Variants in TRIB3 observed in about 807,000 individuals in gnomAD.
TRIB3 encodes tribbles homolog 3.
Under a neutral mutation model 16.6 loss-of-function variants are expected in TRIB3, and 20 were observed. The ratio of observed to expected loss-of-function variants is 1.20; its 90% confidence interval spans 0.85 to 1.75. The LOEUF is 1.75. Among genes scored for constraint, TRIB3 ranks in the 40% most tolerant of loss-of-function variants. The probability of loss-of-function intolerance (pLI) is 0.00; values close to 1 mark genes in which losing one functional copy is unlikely to be tolerated. For missense variants in TRIB3, 484 were observed against 488.9 expected (o/e 0.99, Z 0.10); for synonymous variants, 208 against 217.0 (o/e 0.96, Z 0.36).
chr20:382,808 A>T (rs774416279), intron 1 of TRIB3, among the ~76,000 whole-genome samples: 1 of 152,200 alleles, frequency 6.6e-6, no homozygotes, highest in Non-Finnish European at 1.5e-5. Context: ...ATATCTGACT[A>T]CAGCCACTCC....
At chr20:384,296 T>C (rs2014737014) in intron 1 of TRIB3, among the ~76,000 whole-genome samples, 1 of 152,206 alleles carries the variant, frequency 6.6e-6, no homozygotes, top group African/African-American at 2.4e-5. Context: ...TGTGTGTTAA[T>C]TAGGATTAGG....
intron 1 of TRIB3, among the ~76,000 whole-genome samples, chr20:387,051 A>C (rs1457600143): frequency 3.3e-5 from 5 of 152,182 alleles, no homozygotes; most frequent in African/African-American, 1.2e-4. Context: ...ACGCCTGGCC[A>C]GGAAATACAT....
At position 391,319 on chromosome 20, in the gene TRIB3, G is replaced by A. The variant is rs2014969619; in HGVS notation, c.324G>A (p.Leu108=). 1.2e-6 allele frequency: 2 copies of A among 1,612,898 alleles called. No homozygotes were observed. The highest frequency in any genetic ancestry group is 1.1e-5 in the South Asian group (1 of 91,072). ...CCGTCCAGGAAGCCCTGGCCGTGCT[G>A]GAGCCCTATGCGCGGCTGCCCCCGC... ...VYPVQEALAV[L]EPYARLPPHK... Residue 108 remains leucine (L), a synonymous_variant, in exon 3 of 4, where the codon CTG becomes CTA. Transcript: ENST00000217233.
chr20:388,207 C>A lies in TRIB3; in HGVS notation c.197C>A (p.Ser66Tyr), dbSNP rs1213576217. 6.2e-7 allele frequency: 1 copy of A among 1,613,974 alleles called. No homozygotes were observed. The highest frequency in any genetic ancestry group is 1.3e-5 in the African/African-American group (1 of 75,068). Residue 66 changes from serine (S) to tyrosine (Y), a missense_variant, in exon 2 of 4, where the codon TCC becomes TAC. Transcript: ENST00000217233. ...CGTGCAACTGCTGTGGCCACTGCCTCCCGTCTTGGGCCCTATGTCCTCCTG... is the reference window on the plus strand; with the variant it reads ...CGTGCAACTGCTGTGGCCACTGCCTACCGTCTTGGGCCCTATGTCCTCCTG... ...PDRATAVATA[S>Y]RLGPYVLLEP...
rs747320204 is a variant in TRIB3 at position 388,072 on chromosome 20, T to C, written c.62T>C (p.Leu21Ser). The C allele has an allele frequency of 8.1e-6, 13 of 1,614,002 alleles. No individual in the cohort carries two copies. The highest frequency in any genetic ancestry group is 1.1e-5 in the Non-Finnish European group (13 of 1,180,036). The change falls in exon 2 of 4, where the codon TTG becomes TCG. Residue 21 changes from leucine (L) to serine (S), a missense_variant. Transcript: ENST00000217233. ...GSLSRKKRLE[L>S]DDNLDTERPV... ...CTGTCCAGGAAGAAGCGGTTGGAGT[T>C]GGATGACAACTTAGATACCGAGCGT...
intron 1 of TRIB3, among the ~76,000 whole-genome samples, chr20:386,503 G>A (rs2014813402): frequency 1.3e-5 from 2 of 152,050 alleles, no homozygotes; most frequent in African/African-American, 4.8e-5. Flanking sequence ...CTGCCTCCTG[G>A]GTTCAAGCGA....
rs560979270 is a variant in TRIB3 at position 380,802 on chromosome 20, C to G, written c.-368C>G. ...CAGCGAGGGCGGGTCCCAGGTGCAG[C>G]GGATGCAGAGGAGAGAGGCCCGGGC... On this transcript the variant is annotated 5_prime_UTR_variant, in exon 1 of 4. Coordinates refer to ENST00000217233, the MANE Select transcript of TRIB3 (RefSeq NM_021158.5). 1 of 151,796 alleles carries G rather than the reference C, an allele frequency of 6.6e-6. No homozygotes were observed. Among genetic ancestry groups the G allele is most frequent in the African/African-American group, 2.4e-5 (1 of 41,222 alleles). 9.4% of individuals were successfully genotyped at this position (151,796 alleles called of 1,614,324 possible). A position where few individuals can be genotyped will look rare whatever the true frequency, so the allele number is the denominator to read the frequency against.
rs545555892 is a variant in TRIB3, at chr20:388,328, C to T, written c.291+27C>T. The T allele has an allele frequency of 6.3e-6, 10 of 1,577,682 alleles. No homozygotes were observed. In the African/African-American group the frequency reaches 1.3e-4, roughly 21 times the overall value. Reference sequence around the variant, plus strand: ...TACGTGCCCATGGGCGGCTGTCCCCCAGCACCACAGGAGGCCTGGGAAGGA... The same window carrying T: ...TACGTGCCCATGGGCGGCTGTCCCCTAGCACCACAGGAGGCCTGGGAAGGA... On this transcript the variant is annotated intron_variant, in intron 2 of 3. Coordinates refer to ENST00000217233, the MANE Select transcript of TRIB3 (RefSeq NM_021158.5).
chr20:384,050 T>C (rs62191441), intron 1 of TRIB3, among the ~76,000 whole-genome samples: 2,067 of 152,150 alleles, frequency 0.014, 13 homozygotes, highest in African/African-American at 0.016. Context: ...ATCCAGTCCA[T>C]CCAGTCTGCC....
intron 3 of TRIB3, 63 bp from the exon 4 acceptor site, chr20:396,135 A>G (rs376033913): frequency 1.3e-6 from 2 of 1,551,322 alleles, no homozygotes. Flanking sequence ...GGGTGATAGC[A>G]TGGGGTGGTG....
rs139892258 is a variant in TRIB3 at position 389,841 on chromosome 20, T to C, written c.292-1446T>C. Among the ~76,000 whole-genome samples, 1,265 of 152,322 alleles carry C rather than the reference T, an allele frequency of 8.3e-3. 12 individuals carry two copies. Among genetic ancestry groups the C allele is most frequent in the Middle Eastern group, 0.02 (6 of 294 alleles). On this transcript the variant is annotated intron_variant, in intron 2 of 3. Transcript: ENST00000217233. ...ATGGTCATTTCCACACTTCCTCAGC[T>C]TTTCTGGTCAGTGTGTAGAAAGATC...
rs2015134395 is a variant in TRIB3 at position 396,530 on chromosome 20, C to T, written c.917C>T (p.Ala306Val). The change falls in exon 4 of 4, where the codon GCC (alanine) becomes GTC (valine). Residue 306 changes from alanine (A) to valine (V), a missense_variant. Coordinates refer to ENST00000217233, the MANE Select transcript of TRIB3 (RefSeq NM_021158.5). ...CGGGAGCCAGCTGAACGGCTCACAG[C>T]CACAGGCATCCTCCTGCACCCCTGG... ...LRREPAERLTATGILLHPWLR... is the reference protein window; with the variant it reads ...LRREPAERLTVTGILLHPWLR... 3.7e-6 allele frequency: 6 copies of T among 1,613,212 alleles called. No individual in the cohort carries two copies. In the African/African-American group the frequency reaches 8.0e-5, roughly 21 times the overall value.
chr20:387,518 A>G (rs968366313), intron 1 of TRIB3, among the ~76,000 whole-genome samples: 2 of 151,544 alleles, frequency 1.3e-5, no homozygotes, highest in East Asian at 3.9e-4. Context: ...ACTTGAGGCC[A>G]CGAGTTTGAG....
In TRIB3 at chr20:397,499, GT is replaced by G. The variant is rs957455199; in HGVS notation, c.*813del. ...CCACAATCCCAGGTCCATACTCTAG[GT>G]TTTGGATACCATGAGTATGTATGTT... On this transcript the variant is annotated 3_prime_UTR_variant, in exon 4 of 4. Transcript: ENST00000217233. The G allele has an allele frequency of 1.4e-4, 21 of 152,130 alleles. No individual in the cohort carries two copies. The highest frequency in any genetic ancestry group is 5.1e-4 in the African/African-American group (21 of 41,432). 9.4% of individuals were successfully genotyped at this position (152,130 alleles called of 1,614,324 possible).
intron 2 of TRIB3, among the ~76,000 whole-genome samples, chr20:389,289 G>A (rs2014907407): frequency 1.3e-5 from 2 of 152,154 alleles, no homozygotes; most frequent in Admixed American, 1.3e-4. Flanking sequence ...CTGGGATTGG[G>A]CCCAGGAGGC....
In TRIB3 at chr20:396,504, T is replaced by C. The variant is rs769466304; in HGVS notation, c.891T>C (p.Arg297=). The C allele has an allele frequency of 6.2e-7, 1 of 1,613,070 alleles. No homozygotes were observed. The highest frequency in any genetic ancestry group is 1.1e-5 in the South Asian group (1 of 91,078). Residue 297 remains arginine, a synonymous_variant, in exon 4 of 4, where the codon CGT becomes CGC. Transcript: ENST00000217233. The part of the protein sequence containing the change: ...PARCLVRCLL[R]REPAERLTAT... ...GCTGTCTGGTTCGCTGCCTCCTTCG[T>C]CGGGAGCCAGCTGAACGGCTCACAG... is the stretch of plus-strand genomic sequence containing the variant.
rs375469008 is a variant in TRIB3, at chr20:396,447, C to T, written c.834C>T (p.Tyr278=). ...TCGGCAAGATCCGCCGCGGGGCCTA[C>T]GCCTTGCCTGCAGGCCTCTCGGCCC... ...LLFGKIRRGA[Y]ALPAGLSAPA... The change falls in exon 4 of 4, where the codon TAC becomes TAT. Residue 278 remains tyrosine (Y), a synonymous_variant. Transcript: ENST00000217233. 1.4e-5 allele frequency: 22 copies of T among 1,612,796 alleles called. No homozygotes were observed. The highest frequency in any genetic ancestry group is 8.0e-5 in the African/African-American group (6 of 75,070).
chr20:387,718 A>G (rs1227077760), intron 1 of TRIB3, among the ~76,000 whole-genome samples: 9 of 152,142 alleles, frequency 5.9e-5, no homozygotes, highest in Admixed American at 3.9e-4. Flanking sequence ...CTATACCATG[A>G]TGTTTTCACT....
At position 391,327 on chromosome 20, in the gene TRIB3, A is replaced by AC. The variant is rs2014969813; in HGVS notation, c.332_333insC (p.Ala112CysfsTer14). On this transcript the variant is annotated frameshift_variant, in exon 3 of 4. Coordinates refer to ENST00000217233, the MANE Select transcript of TRIB3 (RefSeq NM_021158.5). LOFTEE classifies it high-confidence loss of function. ...GAAGCCCTGGCCGTGCTGGAGCCCT[A>AC]TGCGCGGCTGCCCCCGCACAAGCAT... 2 of 1,613,086 alleles carry AC rather than the reference A, an allele frequency of 1.2e-6. No homozygotes were observed. The highest frequency in any genetic ancestry group is 2.2e-5 in the East Asian group (1 of 44,896).
Sources: gnomAD v4.1 joint callset for allele counts (sites outside exome capture counted in the v4.1 genomes callset) on GRCh38, gnomAD v4.1.1 for gene constraint, MANE v1.5 for transcripts, NCBI Gene and HGNC (gene_info 2026-07-23, HGNC 2026-07-21) for gene names.